Variants in MSRB2 observed in about 807,000 individuals in gnomAD.
The protein encoded by MSRB2 is methionine-R-sulfoxide reductase B2, mitochondrial.
MSRB2 carries 17 observed loss-of-function variants against 19.0 expected under a neutral mutation model. The observed-to-expected ratio is 0.89, with a 90% confidence interval of 0.61 to 1.34. MSRB2 has a LOEUF of 1.34. Among genes scored for constraint, MSRB2 ranks in the 40% most tolerant of loss-of-function variants. The probability of loss-of-function intolerance (pLI) is 0.00; values close to 1 mark genes in which losing one functional copy is unlikely to be tolerated. For synonymous variants in MSRB2, 107 were observed against 99.7 expected (o/e 1.07, Z -0.44); for missense variants, 208 against 237.6 (o/e 0.88, Z 0.82).
At chr10:23,105,212 C>G (rs61849910) in intron 2 of MSRB2, among the ~76,000 whole-genome samples, 97 of 147,170 alleles carry the variant, frequency 6.6e-4, no homozygotes, top group African/African-American at 2.2e-3. Flanking sequence ...CTCTGTGTGT[C>G]TGTGTGTGTG....
intron 1 of MSRB2, among the ~76,000 whole-genome samples, chr10:23,099,271 G>T (rs1839900779): frequency 6.6e-6 from 1 of 152,182 alleles, no homozygotes; most frequent in Non-Finnish European, 1.5e-5. Context: ...ACCCAACTGA[G>T]CGTTCATCAT....
chr10:23,096,348 C>G (rs201736822), intron 1 of MSRB2, among the ~76,000 whole-genome samples: 6 of 58,456 alleles, frequency 1.0e-4, no homozygotes, highest in African/African-American at 4.6e-4. Flanking sequence ...GTCTCTCTCT[C>G]TCTCTGTGTG....
At chr10:23,108,432 T>C (rs1055590485) in intron 2 of MSRB2, among the ~76,000 whole-genome samples, 5 of 151,830 alleles carry the variant, frequency 3.3e-5, no homozygotes, top group African/African-American at 1.2e-4. Context: ...CTGTTTTGCA[T>C]GCATTCATCT....
intron 3 of MSRB2, among the ~76,000 whole-genome samples, chr10:23,112,538 A>T (rs559052787): frequency 6.6e-6 from 1 of 152,362 alleles, no homozygotes; most frequent in African/African-American, 2.4e-5. Context: ...AATGCCTGAC[A>T]TGACTGACTC....
intron 3 of MSRB2, among the ~76,000 whole-genome samples, chr10:23,114,649 CA>C (rs1840091161): frequency 6.6e-6 from 1 of 152,232 alleles, no homozygotes; most frequent in Non-Finnish European, 1.5e-5. Context: ...GCCCTCTGGG[CA>C]CGCGGCAGGT....
At chr10:23,110,681 C>T (rs1045300799) in intron 3 of MSRB2, among the ~76,000 whole-genome samples, 6 of 151,160 alleles carry the variant, frequency 4.0e-5, no homozygotes, top group African/African-American at 1.5e-4. Flanking sequence ...ATTATATTTG[C>T]TGGGCCATGT....
rs1840179751 is a variant in MSRB2 at position 23,121,242 on chromosome 10, G to A, written c.*380G>A. ...GGTGCCAGCATTTGCTCGGATTCTGGGGAGACCTGAGGGAGCTTTTACTCA... is the reference window on the plus strand; with the variant it reads ...GGTGCCAGCATTTGCTCGGATTCTGAGGAGACCTGAGGGAGCTTTTACTCA... On this transcript the variant is annotated 3_prime_UTR_variant, in exon 5 of 5. Coordinates refer to ENST00000376510, the MANE Select transcript of MSRB2 (RefSeq NM_012228.4). 1 of 175,524 alleles carries A rather than the reference G, an allele frequency of 5.7e-6. No individual in the cohort carries two copies. Among genetic ancestry groups the A allele is most frequent in the African/African-American group, 2.4e-5 (1 of 41,982 alleles). 10.9% of individuals were successfully genotyped at this position (175,524 alleles called of 1,614,324 possible).
chr10:23,107,594 ACTC>A (rs1336431403), intron 2 of MSRB2, among the ~76,000 whole-genome samples: 6 of 151,300 alleles, frequency 4.0e-5, no homozygotes, highest in African/African-American at 1.5e-4. Flanking sequence ...CTTTGTGGAA[ACTC>A]CCCCCTTCGT....
chr10:23,112,613 G>A (rs1042829617), intron 3 of MSRB2, among the ~76,000 whole-genome samples: 5 of 152,184 alleles, frequency 3.3e-5, no homozygotes, highest in Admixed American at 3.3e-4. Context: ...TTTTGAGATG[G>A]AGTCTCGCTC....
intron 1 of MSRB2, among the ~76,000 whole-genome samples, chr10:23,103,422 A>T (rs910586213): frequency 2.0e-5 from 3 of 152,210 alleles, no homozygotes; most frequent in African/African-American, 2.4e-5. Context: ...AACATTTATT[A>T]TAGGAGTTGG....
Position 23,095,605 on chromosome 10 carries a change from C to A in MSRB2, c.-4C>A, listed in dbSNP as rs1230354920. On this transcript the variant is annotated 5_prime_UTR_variant, in exon 1 of 5. Coordinates refer to ENST00000376510, the MANE Select transcript of MSRB2 (RefSeq NM_012228.4). ...GAGGGCGGAGCGGCGCCGGAGCGGG[C>A]GTCATGGCGCGGCTCCTCTGGTTGC... is the stretch of plus-strand genomic sequence containing the variant. 13 of 1,475,122 alleles carry A rather than the reference C, an allele frequency of 8.8e-6. No homozygotes were observed. The highest frequency in any genetic ancestry group is 1.1e-5 in the Non-Finnish European group (12 of 1,118,696). The allele number at this position is 1,475,122 out of a possible 1,614,324, so 91.4% of individuals were successfully genotyped here. A position where few individuals can be genotyped will look rare whatever the true frequency, so the allele number is the denominator to read the frequency against.
intron 1 of MSRB2, 86 bp downstream of exon 1, chr10:23,095,812 C>G: frequency 1.1e-6 from 1 of 937,428 alleles, no homozygotes; most frequent in East Asian, 3.5e-5. Context: ...TAGGGCCGGT[C>G]CAGGCCGGGC....
intron 3 of MSRB2, among the ~76,000 whole-genome samples, chr10:23,112,649 C>T (rs751434811): frequency 3.9e-5 from 6 of 152,162 alleles, no homozygotes; most frequent in Non-Finnish European, 8.8e-5. Context: ...AGTGCAGTGG[C>T]GCGATCTCGG....
intron 1 of MSRB2, among the ~76,000 whole-genome samples, chr10:23,102,905 A>C (rs928531288): frequency 2.0e-5 from 3 of 152,206 alleles, no homozygotes; most frequent in Non-Finnish European, 4.4e-5. Context: ...CGAATACCCC[A>C]AAAATCATGT....
chr10:23,120,814 G>A lies in MSRB2; in HGVS notation c.501G>A (p.Arg167=). The change falls in exon 5 of 5, where the codon AGG becomes AGA. Residue 167 remains arginine, a synonymous_variant. Transcript: ENST00000376510. ...FPDGPGPNGQ[R]FCINSVALKF... ...ATGGACCTGGGCCCAATGGTCAGAG[G>A]TTTTGCATCAACAGTGTGGCTTTGA... 6.2e-7 allele frequency: 1 copy of A among 1,614,144 alleles called. No homozygotes were observed. Among genetic ancestry groups the A allele is most frequent in the Non-Finnish European group, 8.5e-7 (1 of 1,180,030 alleles).
chr10:23,095,659 T>A lies in MSRB2; in HGVS notation c.51T>A (p.Pro17=). Residue 17 remains proline (P), a synonymous_variant, in exon 1 of 5, where the codon CCT becomes CCA. Transcript: ENST00000376510. ...GGGGCCTGACCCTCGGAACTGCGCCTCGGCGGGCGGTGCGGGGCCAAGCGG... is the reference window on the plus strand; with the variant it reads ...GGGGCCTGACCCTCGGAACTGCGCCACGGCGGGCGGTGCGGGGCCAAGCGG... The part of the protein sequence containing the change: ...LLRGLTLGTA[P]RRAVRGQAGG... The A allele has an allele frequency of 7.1e-7, 1 of 1,414,202 alleles. No individual in the cohort carries two copies. Among genetic ancestry groups the A allele is most frequent in the Admixed American group, 2.8e-5 (1 of 35,478 alleles). 87.6% of individuals were successfully genotyped at this position (1,414,202 alleles called of 1,614,324 possible).
At chr10:23,104,851 C>T (rs761588137) in intron 2 of MSRB2, among the ~76,000 whole-genome samples, 2 of 152,136 alleles carry the variant, frequency 1.3e-5, no homozygotes, top group Non-Finnish European at 2.9e-5. Context: ...CGTCATCCCT[C>T]CCCACACTCT....
intron 3 of MSRB2, among the ~76,000 whole-genome samples, chr10:23,111,875 TTTAA>T (rs1469800536): frequency 6.9e-6 from 1 of 144,914 alleles, no homozygotes; most frequent in African/African-American, 2.6e-5. Flanking sequence ...TAAATTTAAT[TTTAA>T]TTAATTTAAA....
At chr10:23,095,865 C>T (rs866691972) in intron 1 of MSRB2, 139 bp downstream of exon 1, 8 of 464,396 alleles carry the variant, frequency 1.7e-5, no homozygotes, top group African/African-American at 6.2e-5. Flanking sequence ...CCCTCCCCCC[C>T]CCCAGCCCGA....
Sources: gnomAD v4.1 joint callset for allele counts (sites outside exome capture counted in the v4.1 genomes callset) on GRCh38, gnomAD v4.1.1 for gene constraint, MANE v1.5 for transcripts, NCBI Gene and HGNC (gene_info 2026-07-23, HGNC 2026-07-21) for gene names.